KAZN: variants seen among roughly 807,000 people sequenced by gnomAD.
The protein encoded by KAZN is kazrin.
In KAZN, 40 loss-of-function variants were observed where a neutral mutation model predicts 87.4. The ratio of observed to expected loss-of-function variants is 0.46; its 90% CI spans 0.36 to 0.60. The LOEUF is 0.60. KAZN is among the 20% of genes least tolerant of loss of function. The pLI is 0.00. For synonymous variants in KAZN, 466 were observed against 458.3 expected (o/e 1.02, Z -0.22); for missense variants, 898 against 1,073.9 (o/e 0.84, Z 2.29).
intron 1 of KAZN, among the ~76,000 whole-genome samples, chr1:14,078,227 T>C (rs574244395): frequency 1.3e-5 from 2 of 152,332 alleles, no homozygotes; most frequent in East Asian, 3.9e-4. Context: ...CCAACCTCTT[T>C]CTTCCTGGCA....
intron 1 of KAZN, among the ~76,000 whole-genome samples, chr1:14,626,868 CA>C (rs1679181110): frequency 6.6e-6 from 1 of 151,988 alleles, no homozygotes; most frequent in African/African-American, 2.4e-5. Flanking sequence ...GCTTTTCATG[CA>C]AAAAAACATT....
At chr1:14,641,947 T>A (rs1680436503) in intron 1 of KAZN, among the ~76,000 whole-genome samples, 1 of 152,186 alleles carries the variant, frequency 6.6e-6, no homozygotes, top group East Asian at 1.9e-4. Context: ...CCAGAATATA[T>A]AAAGAATTCT....
intron 1 of KAZN, among the ~76,000 whole-genome samples, chr1:14,959,904 C>G (rs56269624): frequency 0.012 from 1,788 of 152,228 alleles, 48 homozygotes; most frequent in African/African-American, 0.042. Flanking sequence ...CCTGAGGCAC[C>G]CCACAGCCTG....
At chr1:13,942,209 C>G (rs1370352336) in intron 1 of KAZN, among the ~76,000 whole-genome samples, 1 of 152,120 alleles carries the variant, frequency 6.6e-6, no homozygotes, top group Non-Finnish European at 1.5e-5. Flanking sequence ...TACCTTCACT[C>G]TACCTCAAAG....
chr1:14,713,218 A>G (rs1642582962), intron 1 of KAZN, among the ~76,000 whole-genome samples: 1 of 149,546 alleles, frequency 6.7e-6, no homozygotes, highest in African/African-American at 2.5e-5. Context: ...GAGGTGCAAG[A>G]GAGGACAAGC....
At chr1:14,388,404 C>A (rs923687717) in intron 2 of KAZN, among the ~76,000 whole-genome samples, 2 of 152,126 alleles carry the variant, frequency 1.3e-5, no homozygotes, top group African/African-American at 4.8e-5. Context: ...CCAAGGCTAT[C>A]CTAAACAAAA....
chr1:14,024,830 C>T (rs533041777), intron 1 of KAZN, among the ~76,000 whole-genome samples: 12 of 152,212 alleles, frequency 7.9e-5, no homozygotes, highest in Non-Finnish European at 1.5e-4. Context: ...AAGGCACTGA[C>T]GCTTAGGCTT....
At chr1:14,392,882 T>G (rs1662574106) in intron 2 of KAZN, among the ~76,000 whole-genome samples, 1 of 152,178 alleles carries the variant, frequency 6.6e-6, no homozygotes, top group Non-Finnish European at 1.5e-5. Context: ...TCCAATCCAC[T>G]GAATAAGTGT....
At chr1:14,717,822 A>T (rs1447765015) in intron 1 of KAZN, among the ~76,000 whole-genome samples, 1 of 152,168 alleles carries the variant, frequency 6.6e-6, no homozygotes, top group African/African-American at 2.4e-5. Context: ...TGGCCAAAAA[A>T]AGGTCGGGCC....
At chr1:14,370,648 C>A (rs1660403830) in intron 2 of KAZN, among the ~76,000 whole-genome samples, 1 of 152,296 alleles carries the variant, frequency 6.6e-6, no homozygotes, top group Admixed American at 6.5e-5. Context: ...TGCCAGGGAT[C>A]TCTGAGGTTT....
intron 2 of KAZN, among the ~76,000 whole-genome samples, chr1:14,512,333 C>T (rs1026693096): frequency 5.5e-4 from 84 of 152,114 alleles, no homozygotes; most frequent in African/African-American, 2.0e-3. Context: ...TGTTGTGGGG[C>T]GCATTGTAGG....
chr1:14,494,219 T>C (rs1377118599), intron 2 of KAZN, among the ~76,000 whole-genome samples: 1 of 152,090 alleles, frequency 6.6e-6, no homozygotes, highest in Non-Finnish European at 1.5e-5. Flanking sequence ...TAGAATCAAA[T>C]GGGGAAATTA....
rs571134727 is a variant in KAZN at position 14,068,132 on chromosome 1, C to A, written c.92-112303C>A. ...GGGGTGTTGATGTTCCCCCCCCCAA[C>A]AATTGAGGTGTAATTTCCAAACATA... On this transcript the variant is annotated intron_variant, in intron 1 of 16. Transcript: ENST00000636203. Among the ~76,000 whole-genome samples, 9 of 151,528 alleles carry A rather than the reference C, an allele frequency of 5.9e-5. No homozygotes were observed. The East Asian group carries it at 1.7e-3, about 29-fold the overall frequency.
chr1:14,873,715 C>T (rs1652438114), intron 1 of KAZN, among the ~76,000 whole-genome samples: 1 of 152,128 alleles, frequency 6.6e-6, no homozygotes, highest in Non-Finnish European at 1.5e-5. Flanking sequence ...TGAAAATAGA[C>T]TCTAGGGAGG....
At chr1:14,012,572 T>C (rs1640363240) in intron 1 of KAZN, among the ~76,000 whole-genome samples, 1 of 152,194 alleles carries the variant, frequency 6.6e-6, no homozygotes, top group African/African-American at 2.4e-5. Flanking sequence ...CCCAGCAGTT[T>C]GGGAGGGTGA....
intron 2 of KAZN, among the ~76,000 whole-genome samples, chr1:14,361,694 G>A (rs888608889): frequency 3.3e-5 from 5 of 152,250 alleles, no homozygotes; most frequent in African/African-American, 1.2e-4. Flanking sequence ...CTTGGCTTCT[G>A]TTCATCCTCT....
intron 1 of KAZN, among the ~76,000 whole-genome samples, chr1:13,919,287 T>A (rs1639975337): frequency 6.6e-6 from 1 of 152,232 alleles, no homozygotes; most frequent in African/African-American, 2.4e-5. Flanking sequence ...GTTTTTGACC[T>A]TAGATGAATG....
intron 1 of KAZN, among the ~76,000 whole-genome samples, chr1:14,779,455 A>T (rs2100637204): frequency 6.6e-6 from 1 of 152,314 alleles, no homozygotes; most frequent in Non-Finnish European, 1.5e-5. Context: ...TTGCACGTGC[A>T]GGCCTCTTGC....
chr1:14,652,656 CCCACCCACCCACCCATCCAT>C (rs1638514180), intron 1 of KAZN, among the ~76,000 whole-genome samples: 1 of 13,812 alleles, frequency 7.2e-5, no homozygotes, highest in Non-Finnish European at 1.3e-4. Flanking sequence ...CACCCATCCA[CCCACCCACCCACCCATCCAT>C]CCACCCACCC....
Sources: allele counts gnomAD v4.1 joint callset (sites outside exome capture counted in the v4.1 genomes callset), GRCh38; gene constraint gnomAD v4.1.1; transcripts MANE v1.5; gene names NCBI Gene and HGNC (gene_info 2026-07-23, HGNC 2026-07-21).